Variants in FRMPD4 observed in about 807,000 individuals in gnomAD.
The protein encoded by FRMPD4 is FERM and PDZ domain containing 4, also known as FERM and PDZ domain-containing protein 4.
Under a neutral mutation model 94.1 loss-of-function variants are expected in FRMPD4, and 22 were observed. The observed-to-expected ratio is 0.23, with a 90% CI of 0.17 to 0.33. FRMPD4 has a LOEUF of 0.33. Among genes scored for constraint, FRMPD4 ranks in the 10% least tolerant of loss-of-function variants. The pLI is 1.00. For synonymous variants in FRMPD4, 631 were observed against 548.6 expected, an observed-to-expected ratio of 1.15 and a Z score of -2.10; for missense variants, 1,111 against 1,339.9, an observed-to-expected ratio of 0.83 and a Z score of 2.67.
At chrX:12,662,487 T>G (rs2059726276) in intron 4 of FRMPD4, among the ~76,000 whole-genome samples, 1 of 111,772 alleles carries the variant, frequency 8.9e-6, no homozygotes, top group Non-Finnish European at 1.9e-5. Flanking sequence ...TTGCTGAGAA[T>G]GATTGTTTCC....
At chrX:12,012,566 C>G (rs777567721) in intron 3 of FRMPD4, among the ~76,000 whole-genome samples, 115 of 111,707 alleles carry the variant, frequency 1.0e-3, no homozygotes, top group Non-Finnish European at 1.8e-3. Flanking sequence ...ACTGGTTATA[C>G]CTACCATTCC....
chrX:12,376,830 C>T (rs1421323512), intron 1 of FRMPD4, among the ~76,000 whole-genome samples: 1 of 112,741 alleles, frequency 8.9e-6, no homozygotes, highest in African/African-American at 3.2e-5. Context: ...TCTGCATAAG[C>T]CCTGGTTAAA....
intron 1 of FRMPD4, among the ~76,000 whole-genome samples, chrX:12,316,241 G>T (rs1366193754): frequency 9.0e-6 from 1 of 111,302 alleles, no homozygotes; most frequent in African/African-American, 3.3e-5. Context: ...CCACCTCCTG[G>T]GTTCAAGCTA....
chrX:11,947,804 C>T (rs1478972605), intron 3 of FRMPD4, among the ~76,000 whole-genome samples: 2 of 111,111 alleles, frequency 1.8e-5, no homozygotes, highest in African/African-American at 3.3e-5. Context: ...TAGCAATCCT[C>T]GGCCAGGTGC....
At chrX:12,284,949 G>A (rs757400214) in intron 1 of FRMPD4, among the ~76,000 whole-genome samples, 28 of 111,997 alleles carry the variant, frequency 2.5e-4, no homozygotes, top group African/African-American at 7.8e-4. Context: ...GGAGGACTAC[G>A]TGAGCTAATT....
intron 14 of FRMPD4, among the ~76,000 whole-genome samples, chrX:12,714,139 TG>T (rs11367938): frequency 0.065 from 7,279 of 111,831 alleles, 583 homozygotes; most frequent in African/African-American, 0.22. Flanking sequence ...CCACACACAT[TG>T]TTTTACTTTC....
At chrX:12,306,461 G>C (rs2147899480) in intron 1 of FRMPD4, among the ~76,000 whole-genome samples, 1 of 111,819 alleles carries the variant, frequency 8.9e-6, no homozygotes, top group Admixed American at 9.5e-5. Flanking sequence ...AATGTAACCA[G>C]TGATCCTTTC....
intron 1 of FRMPD4, among the ~76,000 whole-genome samples, chrX:12,338,769 A>G (rs1320188403): frequency 8.9e-6 from 1 of 112,181 alleles, no homozygotes; most frequent in Admixed American, 9.4e-5. Context: ...GCCTTTTTAT[A>G]AATAAGGAAA....
intron 4 of FRMPD4, among the ~76,000 whole-genome samples, chrX:12,672,721 T>G (rs941478939): frequency 1.8e-5 from 2 of 111,924 alleles, no homozygotes; most frequent in African/African-American, 6.5e-5. Flanking sequence ...CTGTAACATA[T>G]GAACACATAT....
Position 12,695,698 on chromosome X carries a change from C to T in FRMPD4, c.933+1244C>T, listed in dbSNP as rs778263486. ...GATTACAGGCGTGAGCCACCGTGCC[C>T]GGCCTGTAACTCTTATTATCTTCTT... On this transcript the variant is annotated intron_variant, in intron 9 of 16. Coordinates refer to ENST00000675598, the MANE Select transcript of FRMPD4 (RefSeq NM_001368397.1). Among the ~76,000 whole-genome samples the T allele has an allele frequency of 6.3e-5, 7 of 111,490 alleles. No individual in the cohort carries two copies. In the East Asian group the frequency reaches 1.4e-3, roughly 23 times the overall value.
At chrX:12,384,882 T>C (rs2056376313) in intron 1 of FRMPD4, among the ~76,000 whole-genome samples, 1 of 112,217 alleles carries the variant, frequency 8.9e-6, no homozygotes, top group African/African-American at 3.2e-5. Flanking sequence ...AAGTTATTAA[T>C]TAGGAAATAA....
intron 2 of FRMPD4, among the ~76,000 whole-genome samples, chrX:12,524,251 T>C (rs1847629030): frequency 8.9e-6 from 1 of 112,457 alleles, no homozygotes; most frequent in African/African-American, 3.2e-5. Context: ...CTTATTAGGC[T>C]GACTCAGATG....
intron 3 of FRMPD4, among the ~76,000 whole-genome samples, chrX:12,057,945 C>G (rs755887378): frequency 2.7e-5 from 3 of 110,983 alleles, no homozygotes; most frequent in South Asian, 3.9e-4. Flanking sequence ...GTTTACTAGA[C>G]AGTTTAGATA....
intron 2 of FRMPD4, among the ~76,000 whole-genome samples, chrX:11,876,431 C>G (rs1048306563): frequency 3.6e-5 from 4 of 109,890 alleles, no homozygotes; most frequent in African/African-American, 1.3e-4. Flanking sequence ...CACAATTGGG[C>G]TCAAGATTTA....
chrX:12,515,684 C>T (rs1048320394), intron 2 of FRMPD4, among the ~76,000 whole-genome samples: 2 of 111,937 alleles, frequency 1.8e-5, no homozygotes, highest in African/African-American at 3.3e-5. Flanking sequence ...GTAGAGAGTT[C>T]TGTAGATATC....
chrX:12,020,879 A>G (rs921947485), intron 3 of FRMPD4, among the ~76,000 whole-genome samples: 4 of 111,439 alleles, frequency 3.6e-5, no homozygotes, highest in African/African-American at 1.3e-4. Flanking sequence ...ATTTTTGTCT[A>G]AAGTCTTGGC....
intron 1 of FRMPD4, among the ~76,000 whole-genome samples, chrX:12,409,711 T>C: frequency 8.9e-6 from 1 of 112,102 alleles, no homozygotes; most frequent in East Asian, 2.8e-4. Context: ...TCAAAATAAA[T>C]CCAGTTAAAA....
intron 1 of FRMPD4, among the ~76,000 whole-genome samples, chrX:12,185,925 A>G (rs928852789): frequency 7.2e-5 from 8 of 111,812 alleles, no homozygotes; most frequent in African/African-American, 2.3e-4. Flanking sequence ...TGAAGGACAG[A>G]TGATCTGCAG....
intron 1 of FRMPD4, among the ~76,000 whole-genome samples, chrX:12,341,436 T>G (rs991300325): frequency 5.4e-5 from 6 of 112,032 alleles, no homozygotes; most frequent in Non-Finnish European, 1.1e-4. Context: ...TCTTGATTAC[T>G]GACTCTAAAG....
Sources: allele counts gnomAD v4.1 joint callset (sites outside exome capture counted in the v4.1 genomes callset), GRCh38; gene constraint gnomAD v4.1.1; transcripts MANE v1.5; gene names NCBI Gene and HGNC (gene_info 2026-07-23, HGNC 2026-07-21).